The following CNOT11 variants were observed in gnomAD, a reference collection of about 807,000 sequenced individuals.
CNOT11 encodes UPF0760 protein C2orf29.
CNOT11 carries 18 observed loss-of-function variants against 44.6 expected under a neutral mutation model. That is an observed-to-expected ratio of 0.40 (90% confidence interval 0.28 to 0.60). The LOEUF (loss-of-function observed/expected upper bound fraction) is 0.60, where lower values mean the gene tolerates loss of function less well. CNOT11 is among the 20% of genes least tolerant of loss of function. The pLI is 0.38. For missense variants in CNOT11, 513 were observed against 677.0 expected, an observed-to-expected ratio of 0.76 and a Z score of 2.69; for synonymous variants, 291 against 270.9, an observed-to-expected ratio of 1.07 and a Z score of -0.73.
chr2:101,267,149 GTC>G lies in CNOT11; in HGVS notation c.1238+273_1238+274del, dbSNP rs1682006236. On this transcript the variant is annotated intron_variant, in intron 5 of 6. Transcript: ENST00000289382. ...TATTTATTTATTTTTTTGAGAGGGAGTCTCACTCTGTTGCCCAGGCTAGAGTG... is the reference window on the plus strand; with the variant it reads ...TATTTATTTATTTTTTTGAGAGGGAGTCACTCTGTTGCCCAGGCTAGAGTG... Among the ~76,000 whole-genome samples, 8 of 152,058 alleles carry G rather than the reference GTC, an allele frequency of 5.3e-5. No homozygotes were observed. In the South Asian group the frequency reaches 1.7e-3, roughly 31 times the overall value.
chr2:101,264,335 A>G (rs997544705), intron 3 of CNOT11, among the ~76,000 whole-genome samples: 3 of 152,226 alleles, frequency 2.0e-5, no homozygotes, highest in Non-Finnish European at 4.4e-5. Context: ...ATTCGTTTCG[A>G]AATATCAAAA....
chr2:101,266,016 T>C (rs952768720), intron 4 of CNOT11, among the ~76,000 whole-genome samples: 10 of 152,146 alleles, frequency 6.6e-5, no homozygotes, highest in African/African-American at 1.9e-4. Flanking sequence ...AAGACCATCC[T>C]GAAAACACAG....
At position 101,252,948 on chromosome 2, in the gene CNOT11, G is replaced by A. The variant is rs1034445606; in HGVS notation, c.-17G>A. ...AGGGCCCCTCGGGCCGGGAAGAGGGGAAGGGGAGCGAGGTTGATGCCCGGC... is the reference window on the plus strand; with the variant it reads ...AGGGCCCCTCGGGCCGGGAAGAGGGAAAGGGGAGCGAGGTTGATGCCCGGC... On this transcript the variant is annotated 5_prime_UTR_variant, in exon 1 of 7. Coordinates refer to ENST00000289382, the MANE Select transcript of CNOT11 (RefSeq NM_017546.5). The A allele has an allele frequency of 1.5e-5, 21 of 1,446,810 alleles. No individual in the cohort carries two copies. The highest frequency in any genetic ancestry group is 1.9e-5 in the Non-Finnish European group (21 of 1,109,456). The allele number at this position is 1,446,810 out of a possible 1,614,324, so 89.6% of individuals were successfully genotyped here. A position where few individuals can be genotyped will look rare whatever the true frequency, so the allele number is the denominator to read the frequency against.
chr2:101,267,612 GA>G (rs1682018702), intron 5 of CNOT11, among the ~76,000 whole-genome samples: 2 of 152,290 alleles, frequency 1.3e-5, no homozygotes, highest in South Asian at 2.1e-4. Context: ...CCAGGCTCCT[GA>G]CCCTGCCATC....
chr2:101,260,910 A>G (rs754009627), intron 2 of CNOT11, among the ~76,000 whole-genome samples: 1 of 151,906 alleles, frequency 6.6e-6, no homozygotes, highest in Non-Finnish European at 1.5e-5. Flanking sequence ...AAATGGCATT[A>G]CAGGATAATT....
chr2:101,253,432 G>T lies in CNOT11; in HGVS notation c.468G>T (p.Ala156=). ...AASFAHLLNP[A]PPARGGQEPD... Reference sequence around the variant, plus strand: ...GCTTCGCGCACCTGCTCAACCCCGCGCCGCCCGCCCGCGGCGGCCAGGAAC... The same window carrying T: ...GCTTCGCGCACCTGCTCAACCCCGCTCCGCCCGCCCGCGGCGGCCAGGAAC... The change falls in exon 1 of 7, where the codon GCG becomes GCT. Residue 156 remains alanine (A), a synonymous_variant. Transcript: ENST00000289382. This position sits in a 1 kb window ranked among gnomAD's most constrained non-coding sequence, Gnocchi z 4.3. The T allele has an allele frequency of 6.5e-7, 1 of 1,542,296 alleles. No homozygotes were observed. Among genetic ancestry groups the T allele is most frequent in the Non-Finnish European group, 8.6e-7 (1 of 1,156,606 alleles).
intron 1 of CNOT11, among the ~76,000 whole-genome samples, chr2:101,255,599 A>C (rs929772507): frequency 4.6e-5 from 7 of 152,038 alleles, no homozygotes; most frequent in African/African-American, 1.7e-4. Context: ...CAGTGCCTAC[A>C]CTCCACTCCC....
chr2:101,255,141 C>T (rs925082820), intron 1 of CNOT11, among the ~76,000 whole-genome samples: 1 of 152,210 alleles, frequency 6.6e-6, no homozygotes, highest in African/African-American at 2.4e-5. Flanking sequence ...TCAGATTCCT[C>T]ATCTGTAAAA....
Position 101,262,607 on chromosome 2 carries a change from G to A in CNOT11, c.748G>A (p.Asp250Asn). Residue 250 changes from aspartate (D) to asparagine (N), a missense_variant, in exon 3 of 7, where the codon GAT becomes AAT. This residue lies in a region of CNOT11 where 140 missense variants were observed against 169.8 expected (regional missense o/e 0.82). Transcript: ENST00000289382. ...FPSILSDPDPDSSNSGFDSSV... is the reference protein window; with the variant it reads ...FPSILSDPDPNSSNSGFDSSV... The stretch of plus-strand genomic sequence containing the variant: ...CAGTATTCTCAGTGACCCAGACCCG[G>A]ATTCTTCTAATTCTGGATTTGACAG... The A allele has an allele frequency of 6.2e-7, 1 of 1,614,076 alleles. No individual in the cohort carries two copies. Among genetic ancestry groups the A allele is most frequent in the Non-Finnish European group, 8.5e-7 (1 of 1,179,994 alleles).
chr2:101,253,352 CTGCTCTGG>C lies in CNOT11; in HGVS notation c.389_396del (p.Leu130ArgfsTer87). Reference sequence around the variant, plus strand: ...GGCGCAGCGCCTCACGGCGCTCTACCTGCTCTGGGAGATGTACCGCACCGAGCCGCTGG... The same window carrying C: ...GGCGCAGCGCCTCACGGCGCTCTACCGAGATGTACCGCACCGAGCCGCTGG... On this transcript the variant is annotated frameshift_variant, in exon 1 of 7. Transcript: ENST00000289382. LOFTEE classifies it high-confidence loss of function. The surrounding 1 kb of genome is among the most constrained non-coding windows in gnomAD (Gnocchi z 4.3). The C allele has an allele frequency of 6.2e-7, 1 of 1,602,126 alleles. No homozygotes were observed. Among genetic ancestry groups the C allele is most frequent in the Non-Finnish European group, 8.5e-7 (1 of 1,179,058 alleles).
chr2:101,264,897 G>A lies in CNOT11; in HGVS notation c.885G>A (p.Glu295=). 1 of 1,614,150 alleles carries A rather than the reference G, an allele frequency of 6.2e-7. No homozygotes were observed. Among genetic ancestry groups the A allele is most frequent in the Non-Finnish European group, 8.5e-7 (1 of 1,180,030 alleles). Residue 295 remains glutamate (E), a synonymous_variant, in exon 4 of 7, where the codon GAG becomes GAA. Coordinates refer to ENST00000289382, the MANE Select transcript of CNOT11 (RefSeq NM_017546.5). Reference sequence around the variant, plus strand: ...CACCGCCTCCACTCCACATTTGTGAGGATGAACTTGCTTGGCTAAACCCCA... The same window carrying A: ...CACCGCCTCCACTCCACATTTGTGAAGATGAACTTGCTTGGCTAAACCCCA... ...IRPPPPLHIC[E]DELAWLNPTE...
At chr2:101,254,777 A>G (rs1681701373) in intron 1 of CNOT11, among the ~76,000 whole-genome samples, 1 of 152,130 alleles carries the variant, frequency 6.6e-6, no homozygotes, top group Admixed American at 6.6e-5. Flanking sequence ...TAACACCTGT[A>G]GCCCCAGCTG....
chr2:101,257,661 AACTT>A (rs1183761257), intron 1 of CNOT11, 126 bp from the exon 2 acceptor site: 7 of 670,424 alleles, frequency 1.0e-5, no homozygotes, highest in Non-Finnish European at 1.8e-5. Flanking sequence ...GGTTGACTGA[AACTT>A]AATCATAATT....
intron 4 of CNOT11, among the ~76,000 whole-genome samples, chr2:101,265,357 G>A (rs554724605): frequency 6.6e-6 from 1 of 152,176 alleles, no homozygotes; most frequent in African/African-American, 2.4e-5. Context: ...GCCTTCCAAA[G>A]TGCTGGGATT....
At chr2:101,262,431 A>C (rs1681886367) in intron 2 of CNOT11, 108 bp from the exon 3 acceptor site, 1 of 939,816 alleles carries the variant, frequency 1.1e-6, no homozygotes, top group Non-Finnish European at 1.7e-6. Context: ...TCTCTCTCTG[A>C]ATCTGGCCCT....
At chr2:101,264,589 CT>C (rs1681937407) in intron 3 of CNOT11, among the ~76,000 whole-genome samples, 1 of 152,196 alleles carries the variant, frequency 6.6e-6, no homozygotes, top group Non-Finnish European at 1.5e-5. Flanking sequence ...CACGGCCAGG[CT>C]TTCCTCACTT....
At chr2:101,268,643 A>T (rs1682045309) in intron 5 of CNOT11, among the ~76,000 whole-genome samples, 1 of 152,222 alleles carries the variant, frequency 6.6e-6, no homozygotes, top group Non-Finnish European at 1.5e-5. Flanking sequence ...TTGGAAATTC[A>T]TACTTTGAGT....
rs1681765289 is a variant in CNOT11 at position 101,257,709 on chromosome 2, G to A, written c.515-82G>A. 2.6e-6 allele frequency: 3 copies of A among 1,145,380 alleles called. No homozygotes were observed. In the Admixed American group the frequency reaches 6.6e-5, roughly 25 times the overall value. The allele number at this position is 1,145,380 out of a possible 1,614,324, so 71.0% of individuals were successfully genotyped here. On this transcript the variant is annotated intron_variant, in intron 1 of 6. Coordinates refer to ENST00000289382, the MANE Select transcript of CNOT11 (RefSeq NM_017546.5). ...AAAACTATGTGGCTTGAAGTGGCAAGTAGCAAGTACTGATTTTACCAGATT... is the reference window on the plus strand; with the variant it reads ...AAAACTATGTGGCTTGAAGTGGCAAATAGCAAGTACTGATTTTACCAGATT...
chr2:101,253,535 C>T lies in CNOT11; in HGVS notation c.514+57C>T, dbSNP rs1032005081. 5.7e-5 allele frequency: 77 copies of T among 1,352,258 alleles called. No homozygotes were observed. In the African/African-American group the frequency reaches 9.4e-4, roughly 17 times the overall value. The allele number at this position is 1,352,258 out of a possible 1,614,324, so 83.8% of individuals were successfully genotyped here. ...TAGCGTTAGATTCCGCAGCTTTCCA[C>T]CTGCGCTGCTGGGAACTCACCTGAA... On this transcript the variant is annotated intron_variant, in intron 1 of 6. Transcript: ENST00000289382. The surrounding 1 kb of genome is among the most constrained non-coding windows in gnomAD (Gnocchi z 4.3).
Sources: allele counts gnomAD v4.1 joint callset (sites outside exome capture counted in the v4.1 genomes callset), GRCh38; gene constraint gnomAD v4.1.1; regional missense constraint gnomAD v4.1.1; non-coding constraint Gnocchi (gnomAD v3.1); transcripts MANE v1.5; gene names NCBI Gene and HGNC (gene_info 2026-07-23, HGNC 2026-07-21).